Variants in DPF3 observed in about 807,000 individuals in gnomAD.
The protein encoded by DPF3 is zinc finger protein DPF3.
A neutral mutation model predicts 56.8 loss-of-function variants in DPF3; 18 were observed. That is an observed-to-expected ratio of 0.32 (90% confidence interval 0.22 to 0.47). The LOEUF (loss-of-function observed/expected upper bound fraction) is 0.47, where lower values mean the gene tolerates loss of function less well. Among genes scored for constraint, DPF3 ranks in the 20% least tolerant of loss-of-function variants. DPF3 has a pLI of 1.00. For synonymous variants in DPF3, 188 were observed against 180.2 expected, an observed-to-expected ratio of 1.04 and a Z score of -0.35; for missense variants, 403 against 488.8, an observed-to-expected ratio of 0.82 and a Z score of 1.65.
rs757694376 is a variant in DPF3, at chr14:72,614,777, G to GAAAAAAA, written c.*4513_*4519dup. Among the ~76,000 whole-genome samples, 9 of 96,056 alleles carry GAAAAAAA rather than the reference G, an allele frequency of 9.4e-5. No individual in the cohort carries two copies. Among genetic ancestry groups the GAAAAAAA allele is most frequent in the East Asian group, 1.2e-3 (2 of 1,638 alleles). 63.0% of individuals were successfully genotyped at this position (96,056 alleles called of 152,430 possible). ...CTGTTGCCCAGGATCACAAGCCTCA[G>GAAAAAAA]AAAAAAAAAAAAGAGTTACAATCAC... On this transcript the variant is annotated 3_prime_UTR_variant, in exon 11 of 11. Coordinates refer to ENST00000556509, the MANE Select transcript of DPF3 (RefSeq NM_001280542.3).
At chr14:72,670,497 A>G (rs1158795833) in intron 8 of DPF3, 2 of 985,654 alleles carry the variant, frequency 2.0e-6, no homozygotes, top group African/African-American at 1.8e-5. Context: ...CAGGGAGGAG[A>G]ATGAGGGAGG....
At chr14:72,675,093 A>G (rs1938384298) in intron 7 of DPF3, among the ~76,000 whole-genome samples, 1 of 152,220 alleles carries the variant, frequency 6.6e-6, no homozygotes, top group African/African-American at 2.4e-5. Flanking sequence ...GTTACTGAGC[A>G]TGTCTTTAGG....
At chr14:72,687,145 C>T (rs1016076207) in intron 7 of DPF3, among the ~76,000 whole-genome samples, 5 of 152,312 alleles carry the variant, frequency 3.3e-5, no homozygotes, top group African/African-American at 7.2e-5. Context: ...CCTCCAAAGG[C>T]GTGCTAGAGC....
intron 4 of DPF3, chr14:72,731,527 C>G: frequency 5.0e-6 from 2 of 399,310 alleles, no homozygotes; most frequent in South Asian, 2.5e-5. Flanking sequence ...TCCCTGGGAC[C>G]CTGCACAGTC....
intron 8 of DPF3, among the ~76,000 whole-genome samples, chr14:72,649,660 T>TA (rs1555491965): frequency 6.5e-5 from 4 of 61,086 alleles, no homozygotes; most frequent in African/African-American, 2.0e-4. Flanking sequence ...CATCCCTGGG[T>TA]GGGGGGGGGG....
chr14:72,653,704 T>C (rs1885984886), intron 8 of DPF3, among the ~76,000 whole-genome samples: 1 of 152,220 alleles, frequency 6.6e-6, no homozygotes, highest in South Asian at 2.1e-4. Flanking sequence ...GCCTGTCAGA[T>C]ACAAAGCTTT....
chr14:72,800,272 C>T (rs567313129), intron 1 of DPF3, among the ~76,000 whole-genome samples: 28 of 152,336 alleles, frequency 1.8e-4, no homozygotes, highest in Middle Eastern at 3.4e-3. Context: ...ACGGCCCCCA[C>T]CACTCCTTAT....
In DPF3 at chr14:72,782,772, G is replaced by A. The variant is rs755048163; in HGVS notation, c.33-10879C>T. On this transcript the variant is annotated intron_variant, in intron 1 of 10. Coordinates refer to ENST00000556509, the MANE Select transcript of DPF3 (RefSeq NM_001280542.3). The stretch of plus-strand genomic sequence containing the variant: ...CACTTGAACCTGGAAGACAGAGGTT[G>A]CAGTGAGCCGAGATTGCACCACTGC... Among the ~76,000 whole-genome samples the A allele has an allele frequency of 1.9e-4, 29 of 152,220 alleles. 1 individual carries two copies. The highest frequency in any genetic ancestry group is 1.3e-4 in the Admixed American group (2 of 15,290).
At chr14:72,803,499 C>T (rs563044846) in intron 1 of DPF3, among the ~76,000 whole-genome samples, 2 of 152,188 alleles carry the variant, frequency 1.3e-5, no homozygotes, top group Non-Finnish European at 2.9e-5. Flanking sequence ...TGGCAATGGG[C>T]CATGAAAACC....
rs1426330580 is a variant in DPF3 at position 72,756,942 on chromosome 14, AG to A, written c.194-3572del. Among the ~76,000 whole-genome samples the A allele has an allele frequency of 6.8e-3, 470 of 69,226 alleles. 3 individuals carry two copies. The highest frequency in any genetic ancestry group is 0.018 in the South Asian group (35 of 1,944). 45.4% of individuals were successfully genotyped at this position (69,226 alleles called of 152,430 possible). On this transcript the variant is annotated intron_variant, in intron 2 of 10. Coordinates refer to ENST00000556509, the MANE Select transcript of DPF3 (RefSeq NM_001280542.3). The stretch of plus-strand genomic sequence containing the variant: ...AGAAAGAAAGAAAGAAGAGAAGAGA[AG>A]AGAAAGGGAGAGGGAAAGAGGGGGA...
At chr14:72,722,770 C>G (rs1224553928) in intron 5 of DPF3, among the ~76,000 whole-genome samples, 1 of 152,256 alleles carries the variant, frequency 6.6e-6, no homozygotes, top group Non-Finnish European at 1.5e-5. Context: ...CAGACGGCCA[C>G]CACAGAAAGC....
At chr14:72,701,171 G>C (rs1888144702) in intron 6 of DPF3, among the ~76,000 whole-genome samples, 1 of 152,164 alleles carries the variant, frequency 6.6e-6, no homozygotes, top group South Asian at 2.1e-4. Flanking sequence ...CTTCCCCGGG[G>C]GCAAGCGCTT....
intron 1 of DPF3, among the ~76,000 whole-genome samples, chr14:72,846,172 A>C (rs1306441199): frequency 6.6e-6 from 1 of 150,884 alleles, no homozygotes; most frequent in Non-Finnish European, 1.5e-5. Context: ...ATACAATGGC[A>C]TGATCTCAGC....
intron 1 of DPF3, among the ~76,000 whole-genome samples, chr14:72,833,486 G>A (rs2140055669): frequency 6.6e-6 from 1 of 152,278 alleles, no homozygotes; most frequent in South Asian, 2.1e-4. Context: ...AATGTACGGG[G>A]ATGGATGCCA....
rs530352848 is a variant in DPF3, at chr14:72,632,864, A to T, written c.872-3128T>A. ...GAGAGGGGAGGGGGAAGGACAAGAG[A>T]AGGGGAGGGGAAGGGAGGAAGGAAG... is the stretch of plus-strand genomic sequence containing the variant. On this transcript the variant is annotated intron_variant, in intron 8 of 10. Coordinates refer to ENST00000556509, the MANE Select transcript of DPF3 (RefSeq NM_001280542.3). 3.0e-4 allele frequency among the ~76,000 whole-genome samples: 32 copies of T among 107,528 alleles called. 1 individual carries two copies. The South Asian group carries it at 9.6e-3, about 32-fold the overall frequency. 70.5% of individuals were successfully genotyped at this position (107,528 alleles called of 152,430 possible).
intron 6 of DPF3, among the ~76,000 whole-genome samples, chr14:72,707,828 A>G (rs948185502): frequency 6.7e-6 from 1 of 149,090 alleles, no homozygotes; most frequent in Non-Finnish European, 1.5e-5. Flanking sequence ...TTTTTTTGAG[A>G]CTGCGTTTTG....
chr14:72,714,484 C>T lies in DPF3; in HGVS notation c.543G>A (p.Gly181=), dbSNP rs769979401. The T allele has an allele frequency of 1.4e-5, 22 of 1,613,698 alleles. No homozygotes were observed. The highest frequency in any genetic ancestry group is 1.2e-4 in the South Asian group (11 of 91,076). The change falls in exon 6 of 11, where the codon GGG becomes GGA. Residue 181 remains glycine, a synonymous_variant. Coordinates refer to ENST00000556509, the MANE Select transcript of DPF3 (RefSeq NM_001280542.3). ...RTRGRARGSA[G]GRRRHDAASQ... ...AGGCGGCGTCGTGCCTCCTCCTGCCCCCTGCAGAGCCGCGAGCCTGGGGAG... is the reference window on the plus strand; with the variant it reads ...AGGCGGCGTCGTGCCTCCTCCTGCCTCCTGCAGAGCCGCGAGCCTGGGGAG...
At chr14:72,630,850 A>G (rs550532238) in intron 8 of DPF3, among the ~76,000 whole-genome samples, 15 of 152,144 alleles carry the variant, frequency 9.9e-5, no homozygotes, top group Non-Finnish European at 1.9e-4. Context: ...TGCCTCTTTC[A>G]TTTGAAGGAT....
At chr14:72,636,222 A>T (rs1885379475) in intron 8 of DPF3, among the ~76,000 whole-genome samples, 1 of 152,238 alleles carries the variant, frequency 6.6e-6, no homozygotes, top group Non-Finnish European at 1.5e-5. Flanking sequence ...CAAATTTCAA[A>T]TAGTTCTCTA....
Sources: gnomAD v4.1 joint callset for allele counts (sites outside exome capture counted in the v4.1 genomes callset) on GRCh38, gnomAD v4.1.1 for gene constraint, MANE v1.5 for transcripts, NCBI Gene and HGNC (gene_info 2026-07-23, HGNC 2026-07-21) for gene names.